PRDM16: variants seen among roughly 807,000 people sequenced by gnomAD.
PRDM16 encodes the protein PR/SET domain 16, also known as histone-lysine N-methyltransferase PRDM16.
Under a neutral mutation model 110.6 loss-of-function variants are expected in PRDM16, and 23 were observed. The observed-to-expected ratio is 0.21, with a 90% confidence interval of 0.15 to 0.29. The LOEUF (loss-of-function observed/expected upper bound fraction) is 0.29. Ranked by LOEUF, PRDM16 falls within the 10% of genes least tolerant of loss-of-function variation. The pLI, the probability that PRDM16 is intolerant of heterozygous loss-of-function variation, is 1.00. For missense variants in PRDM16, 1,615 were observed against 1,794.3 expected (o/e 0.90, Z 1.81); for synonymous variants, 799 against 781.8 (o/e 1.02, Z -0.37).
chr1:3,176,892 C>T (rs1644097517), intron 1 of PRDM16, among the ~76,000 whole-genome samples: 1 of 152,024 alleles, frequency 6.6e-6, no homozygotes, highest in South Asian at 2.1e-4. Flanking sequence ...TTCCTTCCGT[C>T]TAACCATCCA....
intron 1 of PRDM16, among the ~76,000 whole-genome samples, chr1:3,134,551 G>C (rs1643398598): frequency 6.6e-6 from 1 of 152,166 alleles, no homozygotes; most frequent in African/African-American, 2.4e-5. Flanking sequence ...GTCCTGCTTA[G>C]ACCTACTCCG....
At chr1:3,276,804 C>T (rs775290277) in intron 3 of PRDM16, among the ~76,000 whole-genome samples, 2 of 146,646 alleles carry the variant, frequency 1.4e-5, no homozygotes, top group Middle Eastern at 3.2e-3. Flanking sequence ...CCCCGTCTGA[C>T]ATCTCCTGTT....
chr1:3,280,855 C>CT (rs1201993183), intron 3 of PRDM16, among the ~76,000 whole-genome samples: 2 of 152,140 alleles, frequency 1.3e-5, no homozygotes, highest in East Asian at 3.9e-4. Context: ...TTCTCACAGC[C>CT]CCTGGGGCAG....
chr1:3,074,416 TGTGTGTGTGTGTGCGC>T (rs1641843687), intron 1 of PRDM16, among the ~76,000 whole-genome samples: 1 of 152,060 alleles, frequency 6.6e-6, no homozygotes, highest in Non-Finnish European at 1.5e-5. Flanking sequence ...TTTTTCTGTG[TGTGTGTGTGTGTGCGC>T]GTGTGTGTGT....
chr1:3,355,174 C>T (rs192983846), intron 3 of PRDM16, among the ~76,000 whole-genome samples: 19 of 152,240 alleles, frequency 1.2e-4, no homozygotes, highest in East Asian at 5.8e-4. Context: ...GAAGGTGTGC[C>T]GGGGAGCTCC....
intron 3 of PRDM16, among the ~76,000 whole-genome samples, chr1:3,293,588 C>T (rs1641024001): frequency 6.6e-6 from 1 of 152,218 alleles, no homozygotes; most frequent in Non-Finnish European, 1.5e-5. Context: ...TTGAAGTACC[C>T]AGGCCAGGAA....
chr1:3,082,041 G>A lies in PRDM16; in HGVS notation c.37+12745G>A, dbSNP rs546752445. On this transcript the variant is annotated intron_variant, in intron 1 of 16. Transcript: ENST00000270722. ...TGAAATTCCCTTGACGCCTCAAATC[G>A]AACACCGCCAGCCTCCAGCCTCAGA... Among the ~76,000 whole-genome samples the A allele has an allele frequency of 9.9e-5, 15 of 152,278 alleles. No individual in the cohort carries two copies. In the East Asian group the frequency reaches 2.1e-3, roughly 22 times the overall value.
intron 2 of PRDM16, among the ~76,000 whole-genome samples, chr1:3,242,067 A>G (rs1048750285): frequency 6.6e-6 from 1 of 152,190 alleles, no homozygotes; most frequent in Non-Finnish European, 1.5e-5. Context: ...TGGGAACAGG[A>G]GGGAGCCTCC....
intron 1 of PRDM16, among the ~76,000 whole-genome samples, chr1:3,165,366 C>T (rs1314938310): frequency 6.7e-6 from 1 of 149,892 alleles, no homozygotes; most frequent in Non-Finnish European, 1.5e-5. Flanking sequence ...GACGGTGACT[C>T]ACCTGGGCTC....
chr1:3,213,572 AACTC>A lies in PRDM16; in HGVS notation c.387+27103_387+27106del, dbSNP rs1411092536. Among the ~76,000 whole-genome samples, 1 of 152,062 alleles carries A rather than the reference AACTC, an allele frequency of 6.6e-6. No individual in the cohort carries two copies. The highest frequency in any genetic ancestry group is 1.5e-5 in the Non-Finnish European group (1 of 68,008). On this transcript the variant is annotated intron_variant, in intron 2 of 16. Transcript: ENST00000270722. This position sits in a 1 kb window ranked among gnomAD's most constrained non-coding sequence, Gnocchi z 5.3. ...CCTCCCTGGGGGCACAGACACCTGG[AACTC>A]ACTCTTTCTCCGAGGAACAGGAGCA...
chr1:3,181,170 ACGGTCTTACACACGCAGTCTTACG>A (rs1557508192), intron 1 of PRDM16, among the ~76,000 whole-genome samples: 2 of 50,582 alleles, frequency 4.0e-5, no homozygotes, highest in African/African-American at 1.4e-4. Flanking sequence ...ACGCGGTCTT[ACGGTCTTACACACGCAGTCTTACG>A]GTCTTACACA....
At position 3,430,851 on chromosome 1, in the gene PRDM16, TCTC is replaced by T. The variant is rs750076558; in HGVS notation, c.3285-15_3285-13del. On this transcript the variant is annotated intron_variant, in intron 14 of 16. Coordinates refer to ENST00000270722, the MANE Select transcript of PRDM16 (RefSeq NM_022114.4). The stretch of plus-strand genomic sequence containing the variant: ...GACAGAGACACCCAAACTCAGTCAA[TCTC>T]CTCCTGCATCATTTCAGGGCGGACA... The T allele has an allele frequency of 3.1e-6, 5 of 1,611,790 alleles. No homozygotes were observed. The highest frequency in any genetic ancestry group is 3.3e-5 in the Admixed American group (2 of 59,992).
intron 1 of PRDM16, among the ~76,000 whole-genome samples, chr1:3,128,680 T>C (rs748155664): frequency 8.0e-5 from 5 of 62,690 alleles, no homozygotes; most frequent in Non-Finnish European, 1.2e-4. Flanking sequence ...CCCACCATGC[T>C]ACTGGAGACC....
intron 1 of PRDM16, among the ~76,000 whole-genome samples, chr1:3,121,405 C>T (rs149280235): frequency 6.2e-4 from 95 of 152,386 alleles, no homozygotes; most frequent in Non-Finnish European, 1.1e-3. Context: ...CAACCTGGAG[C>T]TGTTTTCAGG....
intron 3 of PRDM16, among the ~76,000 whole-genome samples, chr1:3,334,946 A>G (rs1412590345): frequency 1.3e-5 from 2 of 152,124 alleles, no homozygotes; most frequent in Non-Finnish European, 2.9e-5. Context: ...CACGCGTCCA[A>G]CCCCATAGGA....
chr1:3,215,045 T>C (rs997576159), intron 2 of PRDM16, among the ~76,000 whole-genome samples: 11 of 152,128 alleles, frequency 7.2e-5, no homozygotes, highest in Non-Finnish European at 1.2e-4. Flanking sequence ...CAAGGTATTT[T>C]TTCAGCCAAT....
chr1:3,311,357 T>C (rs1641456414), intron 3 of PRDM16, among the ~76,000 whole-genome samples: 1 of 152,110 alleles, frequency 6.6e-6, no homozygotes, highest in African/African-American at 2.4e-5. Context: ...GGTTCTTGGG[T>C]GGGATCTTAT....
chr1:3,301,549 C>T (rs1256639214), intron 3 of PRDM16, among the ~76,000 whole-genome samples: 3 of 152,130 alleles, frequency 2.0e-5, no homozygotes, highest in South Asian at 2.1e-4. Flanking sequence ...TGACCCAGTG[C>T]TGAGGCTGAC....
chr1:3,302,478 A>G (rs928152186), intron 3 of PRDM16, among the ~76,000 whole-genome samples: 4 of 150,966 alleles, frequency 2.6e-5, no homozygotes, highest in African/African-American at 9.8e-5. Context: ...GCCCCAAAGT[A>G]TCCATTGTTG....
Sources: allele counts gnomAD v4.1 joint callset (sites outside exome capture counted in the v4.1 genomes callset), GRCh38; gene constraint gnomAD v4.1.1; non-coding constraint Gnocchi (gnomAD v3.1); transcripts MANE v1.5; gene names NCBI Gene and HGNC (gene_info 2026-07-23, HGNC 2026-07-21).